The following FOLH1 variants were observed in gnomAD, a reference collection of about 807,000 sequenced individuals.
FOLH1 encodes folate hydrolase 1.
Under a neutral mutation model 93.9 loss-of-function variants are expected in FOLH1, and 54 were observed. That is an observed-to-expected ratio of 0.57 (90% CI 0.46 to 0.72). The LOEUF is 0.72. FOLH1 is among the 30% of genes least tolerant of loss of function. The pLI is 0.00. For missense variants in FOLH1, 571 were observed against 892.5 expected (o/e 0.64, Z 4.59); for synonymous variants, 249 against 303.6 (o/e 0.82, Z 1.87).
chr11:49,187,897 A>G (rs982545186), intron 4 of FOLH1, among the ~76,000 whole-genome samples: 7 of 152,218 alleles, frequency 4.6e-5, no homozygotes, highest in Non-Finnish European at 1.0e-4. Context: ...TCTCAGTCTA[A>G]CGTAGGACAA....
At chr11:49,156,300 G>A (rs1436926354) in intron 15 of FOLH1, among the ~76,000 whole-genome samples, 1 of 151,880 alleles carries the variant, frequency 6.6e-6, no homozygotes, top group African/African-American at 2.4e-5. Context: ...TTAATAATTG[G>A]AGATACAGTA....
chr11:49,159,055 A>G (rs1857343087), intron 13 of FOLH1, among the ~76,000 whole-genome samples: 1 of 152,184 alleles, frequency 6.6e-6, no homozygotes, highest in African/African-American at 2.4e-5. Context: ...TTTCCTAGAT[A>G]TAGAATAATG....
intron 2 of FOLH1, among the ~76,000 whole-genome samples, chr11:49,203,220 A>G (rs770804952): frequency 3.9e-5 from 6 of 152,248 alleles, no homozygotes; most frequent in Non-Finnish European, 7.3e-5. Context: ...AAACAATCTT[A>G]TCTTGCAAAA....
At chr11:49,163,439 G>A (rs1857965035) in intron 13 of FOLH1, among the ~76,000 whole-genome samples, 1 of 151,690 alleles carries the variant, frequency 6.6e-6, no homozygotes, top group Non-Finnish European at 1.5e-5. Flanking sequence ...GCCTAAAGGT[G>A]GGAATGGCTA....
chr11:49,201,969 T>C (rs1191440427), intron 2 of FOLH1, among the ~76,000 whole-genome samples: 1 of 152,236 alleles, frequency 6.6e-6, no homozygotes. Flanking sequence ...TTATCAGGGT[T>C]GGGACTCACT....
chr11:49,146,572 G>A lies in FOLH1; in HGVS notation c.*184C>T. The A allele has an allele frequency of 1.8e-6, 1 of 563,598 alleles. No individual in the cohort carries two copies. Among genetic ancestry groups the A allele is most frequent in the Non-Finnish European group, 2.8e-6 (1 of 356,448 alleles). 34.9% of individuals were successfully genotyped at this position (563,598 alleles called of 1,614,324 possible). A position where few individuals can be genotyped will look rare whatever the true frequency, so the allele number is the denominator to read the frequency against. On this transcript the variant is annotated 3_prime_UTR_variant, in exon 19 of 19. Transcript: ENST00000256999. ...TAACCTCTTATAATTATGAAATTCAGTTTTAATCCATAGGGAGAAGATAAA... is the reference window on the plus strand; with the variant it reads ...TAACCTCTTATAATTATGAAATTCAATTTTAATCCATAGGGAGAAGATAAA...
intron 2 of FOLH1, among the ~76,000 whole-genome samples, chr11:49,200,886 A>T (rs938476197): frequency 6.6e-6 from 1 of 152,152 alleles, no homozygotes; most frequent in Non-Finnish European, 1.5e-5. Flanking sequence ...TAGACAAGTG[A>T]TAAACTTTTT....
In FOLH1 at chr11:49,145,974, G is replaced by A. The variant is rs1855759392; in HGVS notation, c.*782C>T. 6.6e-6 allele frequency among the ~76,000 whole-genome samples: 1 copy of A among 152,004 alleles called. No individual in the cohort carries two copies. The highest frequency in any genetic ancestry group is 1.5e-5 in the Non-Finnish European group (1 of 67,994). On this transcript the variant is annotated 3_prime_UTR_variant, in exon 19 of 19. Coordinates refer to ENST00000256999, the MANE Select transcript of FOLH1 (RefSeq NM_004476.3). ...ATCAAGTCCCTGAAAATTACACATGGTATGATTGTCTTTACAAAAAGTTCA... is the reference window on the plus strand; with the variant it reads ...ATCAAGTCCCTGAAAATTACACATGATATGATTGTCTTTACAAAAAGTTCA...
intron 4 of FOLH1, among the ~76,000 whole-genome samples, chr11:49,187,217 ACAT>A (rs1369080211): frequency 6.6e-6 from 1 of 152,220 alleles, no homozygotes; most frequent in African/African-American, 2.4e-5. Flanking sequence ...TGCACAGGTA[ACAT>A]CATTGCTTCA....
chr11:49,183,167 T>C lies in FOLH1; in HGVS notation c.902A>G (p.Asp301Gly). ...SIPVHPIGYY[D>G]AQKLLEKMGG... ...AACTTACTCTAGGAGCTTCTGTGCATCATAGTATCCAATTGGATGAACAGG... is the reference window on the plus strand; with the variant it reads ...AACTTACTCTAGGAGCTTCTGTGCACCATAGTATCCAATTGGATGAACAGG... Residue 301 changes from aspartate (D) to glycine (G), a missense_variant, in exon 7 of 19, where the codon GAT becomes GGT. Around this residue, in one of 2 missense-constraint regions of FOLH1, gnomAD observed 500 missense variants for 822.9 expected, o/e 0.61. Coordinates refer to ENST00000256999, the MANE Select transcript of FOLH1 (RefSeq NM_004476.3). The C allele has an allele frequency of 6.2e-7, 1 of 1,611,474 alleles. No individual in the cohort carries two copies. The highest frequency in any genetic ancestry group is 1.1e-5 in the South Asian group (1 of 90,318).
intron 13 of FOLH1, among the ~76,000 whole-genome samples, chr11:49,160,821 T>A (rs1857613735): frequency 6.6e-6 from 1 of 152,188 alleles, no homozygotes; most frequent in Non-Finnish European, 1.5e-5. Context: ...TCCCAGAGAT[T>A]CTGGTGTGTC....
chr11:49,191,212 C>G (rs575783674), intron 4 of FOLH1, among the ~76,000 whole-genome samples: 1 of 152,322 alleles, frequency 6.6e-6, no homozygotes, highest in Non-Finnish European at 1.5e-5. Context: ...CAGGGTTTCA[C>G]CGTGTTAGCT....
At chr11:49,185,050 T>C (rs1462137931) in intron 6 of FOLH1, among the ~76,000 whole-genome samples, 1 of 152,146 alleles carries the variant, frequency 6.6e-6, no homozygotes, top group Non-Finnish European at 1.5e-5. Context: ...AATGCTGGCA[T>C]TTAGGAAACA....
chr11:49,207,883 C>G (rs61886516), intron 1 of FOLH1: 9,402 of 461,414 alleles, frequency 0.02, 132 homozygotes, highest in Non-Finnish European at 0.03. Context: ...TCACACAGTT[C>G]CCAAGCTTGC....
intron 4 of FOLH1, among the ~76,000 whole-genome samples, chr11:49,192,243 T>C (rs1171969241): frequency 6.6e-6 from 1 of 152,182 alleles, no homozygotes; most frequent in Non-Finnish European, 1.5e-5. Flanking sequence ...CATGAAGTTA[T>C]ATCACTGTAA....
At chr11:49,195,884 A>G (rs1470951321) in intron 3 of FOLH1, among the ~76,000 whole-genome samples, 2 of 152,204 alleles carry the variant, frequency 1.3e-5, no homozygotes, top group Admixed American at 1.3e-4. Context: ...GGCCAGGCAC[A>G]ATGGCTCACG....
rs980455677 is a variant in FOLH1 at position 49,154,043 on chromosome 11, T to C, written c.1889-116A>G. 3.0e-6 allele frequency: 4 copies of C among 1,313,542 alleles called. No homozygotes were observed. In the African/African-American group the frequency reaches 6.0e-5, roughly 20 times the overall value. The allele number at this position is 1,313,542 out of a possible 1,614,324, so 81.4% of individuals were successfully genotyped here. A position where few individuals can be genotyped will look rare whatever the true frequency, so the allele number is the denominator to read the frequency against. On this transcript the variant is annotated intron_variant, in intron 16 of 18. Coordinates refer to ENST00000256999, the MANE Select transcript of FOLH1 (RefSeq NM_004476.3). ...CCATCATCTTTTGTGTTTTACAAGG[T>C]ATTTATATTTTTATATTATAAGACG...
At position 49,145,532 on chromosome 11, in the gene FOLH1, T is replaced by A. The variant is rs979324092; in HGVS notation, c.*1224A>T. On this transcript the variant is annotated 3_prime_UTR_variant, in exon 19 of 19. Coordinates refer to ENST00000256999, the MANE Select transcript of FOLH1 (RefSeq NM_004476.3). ...CTTGACATTTCTTCATAAACAGCTT[T>A]ACACATTGGCCCAGAAGACAAGTTT... Among the ~76,000 whole-genome samples the A allele has an allele frequency of 2.6e-5, 4 of 152,168 alleles. No homozygotes were observed. The highest frequency in any genetic ancestry group is 9.6e-5 in the African/African-American group (4 of 41,452).
At chr11:49,177,150 G>A (rs1201410359) in intron 7 of FOLH1, among the ~76,000 whole-genome samples, 6 of 152,264 alleles carry the variant, frequency 3.9e-5, no homozygotes, top group Middle Eastern at 3.4e-3. Context: ...TCACTTTCTC[G>A]TGGAAAATTC....
Sources: allele counts gnomAD v4.1 joint callset (sites outside exome capture counted in the v4.1 genomes callset), GRCh38; gene constraint gnomAD v4.1.1; regional missense constraint gnomAD v4.1.1; transcripts MANE v1.5; gene names NCBI Gene and HGNC (gene_info 2026-07-23, HGNC 2026-07-21).